The following LTBP2 variants were observed in gnomAD, a reference collection of about 807,000 sequenced individuals.
LTBP2 encodes latent-transforming growth factor beta-binding protein 2.
In LTBP2, 103 loss-of-function variants were observed where a neutral mutation model predicts 210.6. The ratio of observed to expected loss-of-function variants is 0.49; its 90% CI spans 0.42 to 0.58. LTBP2 has a LOEUF of 0.58. Among genes scored for constraint, LTBP2 ranks in the 20% least tolerant of loss-of-function variants. The pLI, the probability that LTBP2 is intolerant of heterozygous loss-of-function variation, is 0.00. For missense variants in LTBP2, 2,313 were observed against 2,494.5 expected, an observed-to-expected ratio of 0.93 and a Z score of 1.55; for synonymous variants, 1,007 against 1,015.0, an observed-to-expected ratio of 0.99 and a Z score of 0.15.
Position 74,504,871 on chromosome 14 carries a change from G to A in LTBP2, c.4370-10C>T. 1 of 1,614,094 alleles carries A rather than the reference G, an allele frequency of 6.2e-7. No individual in the cohort carries two copies. ...ATCTCGCTGAATTCAGCTATGTAGA[G>A]AGGCGTTTCAGCTCAGAGTGGGGAG... On this transcript the variant is annotated splice_polypyrimidine_tract_variant and intron_variant, in intron 29 of 35. Coordinates refer to ENST00000261978, the MANE Select transcript of LTBP2 (RefSeq NM_000428.3).
rs939449299 is a variant in LTBP2 at position 74,502,952 on chromosome 14, G to C, written c.4889-18C>G. 3 of 1,609,354 alleles carry C rather than the reference G, an allele frequency of 1.9e-6. No individual in the cohort carries two copies. In the African/African-American group the frequency reaches 4.0e-5, roughly 22 times the overall value. On this transcript the variant is annotated intron_variant, in intron 33 of 35. Transcript: ENST00000261978. ...ATAGACCTCTGTCAGGGAGGAGGGA[G>C]AGAAGGAGCTGGGTTCTAGCTCCTG...
At chr14:74,581,011 G>A (rs1416804883) in intron 3 of LTBP2, among the ~76,000 whole-genome samples, 1 of 152,210 alleles carries the variant, frequency 6.6e-6, no homozygotes, top group African/African-American at 2.4e-5. Flanking sequence ...AAGTGCCAAG[G>A]CCCTGAGGTG....
chr14:74,562,534 T>A (rs2087808294), intron 3 of LTBP2, among the ~76,000 whole-genome samples: 1 of 151,512 alleles, frequency 6.6e-6, no homozygotes, highest in Admixed American at 6.6e-5. Context: ...AAAAGATGAG[T>A]CTCCATAATA....
At chr14:74,591,523 A>T (rs1400524874) in intron 2 of LTBP2, among the ~76,000 whole-genome samples, 8 of 152,218 alleles carry the variant, frequency 5.3e-5, no homozygotes, top group Non-Finnish European at 1.0e-4. Flanking sequence ...GCCTCCAAGA[A>T]GTTTCAGGTT....
chr14:74,587,725 T>G (rs1396609022), intron 2 of LTBP2, among the ~76,000 whole-genome samples: 2 of 152,152 alleles, frequency 1.3e-5, no homozygotes, highest in African/African-American at 2.4e-5. Flanking sequence ...CAGGCACAGC[T>G]ACCCAGAGCA....
At chr14:74,540,850 A>G (rs1294904464) in intron 8 of LTBP2, among the ~76,000 whole-genome samples, 4 of 55,960 alleles carry the variant, frequency 7.1e-5, no homozygotes, top group African/African-American at 5.1e-5. Context: ...TATATATATT[A>G]TATATATTAT....
At chr14:74,548,779 A>C (rs1452962494) in intron 8 of LTBP2, among the ~76,000 whole-genome samples, 1 of 152,212 alleles carries the variant, frequency 6.6e-6, no homozygotes, top group East Asian at 1.9e-4. Context: ...TCTCTACAGC[A>C]GTCTACGAGG....
At chr14:74,573,814 C>T (rs753085320) in intron 3 of LTBP2, among the ~76,000 whole-genome samples, 26 of 152,154 alleles carry the variant, frequency 1.7e-4, no homozygotes, top group Non-Finnish European at 3.5e-4. Context: ...CTATGTGAGC[C>T]GGCACTTTAT....
chr14:74,559,111 A>T (rs1409324331), intron 3 of LTBP2, among the ~76,000 whole-genome samples: 1 of 152,240 alleles, frequency 6.6e-6, no homozygotes, highest in Admixed American at 6.5e-5. Context: ...GGAGGAAAAA[A>T]GGAGTTAGCT....
chr14:74,511,863 G>A (rs1213002149), intron 18 of LTBP2, among the ~76,000 whole-genome samples: 2 of 152,196 alleles, frequency 1.3e-5, no homozygotes. Context: ...CTTGGATATG[G>A]CCAAGACCAG....
In LTBP2 at chr14:74,516,348, A is replaced by ATTCTGGAATCCC. The variant is rs1555348573; in HGVS notation, c.2908+473_2908+474insGGGATTCCAGAA. Among the ~76,000 whole-genome samples the ATTCTGGAATCCC allele has an allele frequency of 5.3e-4, 58 of 108,584 alleles. 2 individuals are homozygous for ATTCTGGAATCCC. The highest frequency in any genetic ancestry group is 1.9e-3 in the South Asian group (6 of 3,086). 71.2% of individuals were successfully genotyped at this position (108,584 alleles called of 152,430 possible). On this transcript the variant is annotated intron_variant, in intron 18 of 35. Coordinates refer to ENST00000261978, the MANE Select transcript of LTBP2 (RefSeq NM_000428.3). ...TCTGGGAAAGACAGAAGGATCTGGAATCCCTCCCTCCCTCCCTTCCTTCCT... is the reference window on the plus strand; with the variant it reads ...TCTGGGAAAGACAGAAGGATCTGGAATTCTGGAATCCCTCCCTCCCTCCCTCCCTTCCTTCCT...
At chr14:74,603,379 G>A (rs1157237996) in intron 2 of LTBP2, among the ~76,000 whole-genome samples, 4 of 152,112 alleles carry the variant, frequency 2.6e-5, no homozygotes, top group Non-Finnish European at 5.9e-5. Context: ...CACCCACCTT[G>A]GCCTCCCAAA....
At chr14:74,562,830 A>T (rs1283380589) in intron 3 of LTBP2, among the ~76,000 whole-genome samples, 2 of 152,176 alleles carry the variant, frequency 1.3e-5, no homozygotes, top group East Asian at 3.9e-4. Flanking sequence ...GTAAATTGAC[A>T]TGACCCTTCT....
At chr14:74,568,992 C>T (rs1203908108) in intron 3 of LTBP2, among the ~76,000 whole-genome samples, 1 of 152,128 alleles carries the variant, frequency 6.6e-6, no homozygotes, top group African/African-American at 2.4e-5. Flanking sequence ...ACCCACACTG[C>T]CCAGGGATGC....
At chr14:74,531,494 C>G (rs750566049) in intron 10 of LTBP2, among the ~76,000 whole-genome samples, 1 of 152,200 alleles carries the variant, frequency 6.6e-6, no homozygotes, top group Non-Finnish European at 1.5e-5. Flanking sequence ...CTGACATGTT[C>G]TCCCCACTCT....
At chr14:74,520,723 C>T (rs191283316) in intron 17 of LTBP2, among the ~76,000 whole-genome samples, 1 of 152,244 alleles carries the variant, frequency 6.6e-6, no homozygotes, top group African/African-American at 2.4e-5. Flanking sequence ...ATGGCGTGAA[C>T]CCAGGAGGCA....
chr14:74,523,024 G>A, intron 15 of LTBP2, 106 bp from the exon 16 acceptor site: 2 of 1,399,018 alleles, frequency 1.4e-6, no homozygotes, highest in Non-Finnish European at 2.0e-6. Context: ...GGCCTCAGAA[G>A]GCCAACCTTA....
chr14:74,560,752 G>A (rs920728052), intron 3 of LTBP2, among the ~76,000 whole-genome samples: 1 of 152,174 alleles, frequency 6.6e-6, no homozygotes, highest in East Asian at 1.9e-4. Context: ...CCCAAAAATA[G>A]CAATCAACAA....
chr14:74,595,160 G>T (rs1345333842), intron 2 of LTBP2, among the ~76,000 whole-genome samples: 1 of 152,262 alleles, frequency 6.6e-6, no homozygotes, highest in Non-Finnish European at 1.5e-5. Context: ...GGCGGCTGGA[G>T]GGGAGGAAGG....
Sources: gnomAD v4.1 joint callset for allele counts (sites outside exome capture counted in the v4.1 genomes callset) on GRCh38, gnomAD v4.1.1 for gene constraint, MANE v1.5 for transcripts, NCBI Gene and HGNC (gene_info 2026-07-23, HGNC 2026-07-21) for gene names.